NF1: variants seen among roughly 807,000 people sequenced by gnomAD.
NF1 encodes neurofibromin 1.
In NF1, 122 loss-of-function variants were observed where a neutral mutation model predicts 325.7. The ratio of observed to expected loss-of-function variants is 0.37; its 90% CI spans 0.32 to 0.44. The LOEUF (loss-of-function observed/expected upper bound fraction) is 0.44, where lower values mean the gene tolerates loss of function less well. NF1 is among the 20% of genes least tolerant of loss of function. NF1 has a pLI of 1.00. For missense variants in NF1, 2,140 were observed against 3,415.4 expected (o/e 0.63, Z 9.31); for synonymous variants, 1,091 against 1,186.0 (o/e 0.92, Z 1.65).
At chr17:31,289,488 G>A (rs1322130037) in intron 36 of NF1, among the ~76,000 whole-genome samples, 1 of 152,130 alleles carries the variant, frequency 6.6e-6, no homozygotes, top group Non-Finnish European at 1.5e-5. Flanking sequence ...CTATTTCAAG[G>A]ACAAGGCAGG....
chr17:31,201,657 A>G (rs1278988632), intron 11 of NF1, among the ~76,000 whole-genome samples, 172 bp downstream of exon 11: 2 of 152,158 alleles, frequency 1.3e-5, no homozygotes, highest in Admixed American at 6.5e-5. Flanking sequence ...AAATATTTGT[A>G]TTTTTCATAT....
intron 36 of NF1, among the ~76,000 whole-genome samples, chr17:31,315,363 C>G (rs1205155793): frequency 2.0e-5 from 3 of 152,060 alleles, no homozygotes; most frequent in Admixed American, 2.0e-4. Context: ...GAGTGACTGT[C>G]ATTAATACCA....
intron 8 of NF1, chr17:31,183,032 G>C (rs1597660514): frequency 1.9e-6 from 1 of 520,258 alleles, no homozygotes; most frequent in Non-Finnish European, 3.3e-6. Flanking sequence ...TGTACTTAGG[G>C]TATGTGTCCA....
At chr17:31,208,928 G>A (rs530354254) in intron 12 of NF1, among the ~76,000 whole-genome samples, 1 of 152,024 alleles carries the variant, frequency 6.6e-6, no homozygotes, top group Non-Finnish European at 1.5e-5. Flanking sequence ...ACTACAGGTG[G>A]CATGGAGTCT....
chr17:31,227,690 CAGTAA>C, intron 20 of NF1, 84 bp downstream of exon 20: 3 of 1,229,674 alleles, frequency 2.4e-6, no homozygotes, highest in East Asian at 2.5e-5. Context: ...AAGAGTCGCT[CAGTAA>C]AGTAAACATA....
intron 10 of NF1, 57 bp downstream of exon 10, chr17:31,201,216 C>T: frequency 6.2e-7 from 1 of 1,601,798 alleles, no homozygotes; most frequent in Non-Finnish European, 8.5e-7. Flanking sequence ...CCTTTATAAA[C>T]AAAAAGACTA....
At chr17:31,302,942 AAAGT>A (rs1567882766) in intron 36 of NF1, among the ~76,000 whole-genome samples, 1 of 152,214 alleles carries the variant, frequency 6.6e-6, no homozygotes, top group Non-Finnish European at 1.5e-5. Flanking sequence ...TTATTCAGGA[AAAGT>A]AAGAAGCTCA....
At chr17:31,355,675 C>T (rs1240969262) in intron 51 of NF1, 1 of 152,298 alleles carries the variant, frequency 6.6e-6, no homozygotes, top group Non-Finnish European at 1.5e-5. Flanking sequence ...CATGGAGAAA[C>T]CCTGTCTCTA....
At position 31,375,451 on chromosome 17, in the gene NF1, C is replaced by T. The variant is rs1567635270; in HGVS notation, c.*1296C>T. 1 of 231,754 alleles carries T rather than the reference C, an allele frequency of 4.3e-6. No homozygotes were observed. The highest frequency in any genetic ancestry group is 6.2e-5 in the East Asian group (1 of 16,244). The allele number at this position is 231,754 out of a possible 1,614,324, so 14.4% of individuals were successfully genotyped here. ...TGGATTATCATGGCATTGGAATTTT[C>T]ATAGTAATGCAGATCCAATTTCTTT... On this transcript the variant is annotated 3_prime_UTR_variant, in exon 58 of 58. Coordinates refer to ENST00000358273, the MANE Select transcript of NF1 (RefSeq NM_001042492.3).
chr17:31,239,680 C>T (rs1433419094), intron 29 of NF1, among the ~76,000 whole-genome samples: 1 of 151,964 alleles, frequency 6.6e-6, no homozygotes, highest in Non-Finnish European at 1.5e-5. Flanking sequence ...TTATGGGGTA[C>T]ATGAAATATT....
At chr17:31,273,676 G>A (rs1018378508) in intron 36 of NF1, 6 of 152,202 alleles carry the variant, frequency 3.9e-5, no homozygotes, top group South Asian at 2.1e-4. Flanking sequence ...AATATAATTA[G>A]TGAGGAAGTC....
At chr17:31,227,149 T>C (rs2067028738) in intron 18 of NF1, 69 bp from the exon 19 acceptor site, 1 of 1,495,918 alleles carries the variant, frequency 6.7e-7, no homozygotes, top group Admixed American at 1.7e-5. Flanking sequence ...TGGGTGGAGC[T>C]TATCAGGTTC....
rs1060503923 is a variant in NF1, at chr17:31,229,309, G to C, written c.2694G>C (p.Leu898=). 5 of 1,613,944 alleles carry C rather than the reference G, an allele frequency of 3.1e-6. No homozygotes were observed. The highest frequency in any genetic ancestry group is 4.2e-6 in the Non-Finnish European group (5 of 1,179,830). The change falls in exon 21 of 58, where the codon CTG becomes CTC. Residue 898 remains leucine (L), a synonymous_variant. Transcript: ENST00000358273. ...DTPVSKFMDR[L]LSLMVCNHEK... ...CTGTCAGCAAATTTATGGATCGGCT[G>C]TTGTCCTTAATGGTGTGTAACCATG...
chr17:31,293,631 C>A (rs2068398608), intron 36 of NF1, among the ~76,000 whole-genome samples: 1 of 152,122 alleles, frequency 6.6e-6, no homozygotes, highest in African/African-American at 2.4e-5. Context: ...GTTCCTAAAC[C>A]AGCAAAGGAG....
In NF1 at chr17:31,356,957, C is replaced by T. The variant is rs747382969; in HGVS notation, c.7739-3C>T. 1 of 1,613,776 alleles carries T rather than the reference C, an allele frequency of 6.2e-7. No homozygotes were observed. The highest frequency in any genetic ancestry group is 1.7e-5 in the Admixed American group (1 of 60,024). ...ATCACGTTAATTCCCTATCTTGCTGCAGAAACTCAGAGGATTTCCTCATCA... is the reference window on the plus strand; with the variant it reads ...ATCACGTTAATTCCCTATCTTGCTGTAGAAACTCAGAGGATTTCCTCATCA... On this transcript the variant is annotated splice_region_variant and splice_polypyrimidine_tract_variant and intron_variant, in intron 52 of 57. Coordinates refer to ENST00000358273, the MANE Select transcript of NF1 (RefSeq NM_001042492.3).
intron 48 of NF1, among the ~76,000 whole-genome samples, chr17:31,348,726 TA>T (rs35854297): frequency 1.7e-3 from 259 of 148,892 alleles, no homozygotes; most frequent in East Asian, 4.3e-3. Context: ...CATCTTTTCT[TA>T]AAAAAAAAAA....
chr17:31,233,332 G>C (rs1362546879), intron 27 of NF1, 119 bp downstream of exon 27: 3 of 1,039,716 alleles, frequency 2.9e-6, no homozygotes, highest in Non-Finnish European at 4.4e-6. Context: ...CCAGAAGAAA[G>C]ATGTTTAGTT....
intron 1 of NF1, among the ~76,000 whole-genome samples, chr17:31,122,171 G>A (rs1914490498): frequency 6.6e-6 from 1 of 152,068 alleles, no homozygotes; most frequent in African/African-American, 2.4e-5. Flanking sequence ...TTAAGAAATT[G>A]TTATAATAGG....
chr17:31,209,148 C>T (rs1471772710), intron 12 of NF1, among the ~76,000 whole-genome samples: 1 of 152,112 alleles, frequency 6.6e-6, no homozygotes, highest in Non-Finnish European at 1.5e-5. Context: ...GTCATGAAAA[C>T]CAAACATGTC....
Sources: gnomAD v4.1 joint callset for allele counts (sites outside exome capture counted in the v4.1 genomes callset) on GRCh38, gnomAD v4.1.1 for gene constraint, MANE v1.5 for transcripts, NCBI Gene and HGNC (gene_info 2026-07-23, HGNC 2026-07-21) for gene names.